OPCML: variants seen among roughly 807,000 people sequenced by gnomAD.
OPCML encodes opioid binding protein/cell adhesion molecule like.
A neutral mutation model predicts 37.8 loss-of-function variants in OPCML; 13 were observed. The observed-to-expected ratio is 0.34, with a 90% CI of 0.22 to 0.55. The LOEUF is 0.55. Among genes scored for constraint, OPCML ranks in the 20% least tolerant of loss-of-function variants. The pLI is 0.91. For missense variants in OPCML, 341 were observed against 435.6 expected (o/e 0.78, Z 1.93); for synonymous variants, 176 against 168.8 (o/e 1.04, Z -0.33).
At chr11:132,552,360 T>G (rs1565658372) in intron 3 of OPCML, among the ~76,000 whole-genome samples, 1 of 152,222 alleles carries the variant, frequency 6.6e-6, no homozygotes, top group East Asian at 1.9e-4. Context: ...CACTGAAAAG[T>G]GAAAATGTTC....
chr11:133,515,634 C>T (rs1033573294), intron 1 of OPCML, among the ~76,000 whole-genome samples: 15 of 151,962 alleles, frequency 9.9e-5, no homozygotes, highest in African/African-American at 3.6e-4. Context: ...CCCCAGATAA[C>T]CAACCAGGAA....
intron 1 of OPCML, among the ~76,000 whole-genome samples, chr11:133,294,042 G>A (rs549493055): frequency 6.6e-6 from 1 of 151,988 alleles, no homozygotes; most frequent in Admixed American, 6.5e-5. Flanking sequence ...AAGAGTTAAG[G>A]GAATCTCAGT....
intron 1 of OPCML, among the ~76,000 whole-genome samples, chr11:133,309,520 C>T (rs1055894351): frequency 6.6e-6 from 1 of 152,124 alleles, no homozygotes; most frequent in African/African-American, 2.4e-5. Context: ...CAACTAAATG[C>T]AATGTGGGAT....
At chr11:132,689,228 T>C (rs1943305086) in intron 2 of OPCML, among the ~76,000 whole-genome samples, 1 of 152,210 alleles carries the variant, frequency 6.6e-6, no homozygotes, top group African/African-American at 2.4e-5. Flanking sequence ...GGCAATTAGA[T>C]TGTTACATTG....
In OPCML at chr11:132,799,745, A is replaced by AAAT. The variant is rs571294043; in HGVS notation, c.147-142427_147-142426insATT. On this transcript the variant is annotated intron_variant, in intron 2 of 7. Coordinates refer to ENST00000524381, the MANE Select transcript of OPCML (RefSeq NM_001012393.5). Reference sequence around the variant, plus strand: ...AGATCTTCTACTTGTAAAAAAAAAAATGTGATATCTGCAAAGCTCAGTAAA... The same window carrying AAAT: ...AGATCTTCTACTTGTAAAAAAAAAAAAATTGTGATATCTGCAAAGCTCAGTAAA... 4.6e-4 allele frequency among the ~76,000 whole-genome samples: 70 copies of AAAT among 152,058 alleles called. 1 individual carries two copies. The highest frequency in any genetic ancestry group is 1.5e-3 in the African/African-American group (64 of 41,516).
chr11:133,095,726 G>A (rs947070967), intron 1 of OPCML, among the ~76,000 whole-genome samples: 2 of 150,322 alleles, frequency 1.3e-5, no homozygotes, highest in Non-Finnish European at 3.0e-5. Flanking sequence ...CAGAGGAAAA[G>A]ACCACCTTAT....
intron 7 of OPCML, among the ~76,000 whole-genome samples, chr11:132,430,426 C>G (rs2095992676): frequency 6.6e-6 from 1 of 152,172 alleles, no homozygotes; most frequent in Non-Finnish European, 1.5e-5. Context: ...AGAAGGAAGT[C>G]CGGCTCAGAG....
At chr11:133,096,592 G>T (rs887852887) in intron 1 of OPCML, among the ~76,000 whole-genome samples, 2 of 151,996 alleles carry the variant, frequency 1.3e-5, no homozygotes, top group African/African-American at 4.8e-5. Context: ...GAGATTTTCA[G>T]AGTGGGTCAA....
chr11:133,254,562 G>C (rs889126124), intron 1 of OPCML, among the ~76,000 whole-genome samples: 1 of 152,116 alleles, frequency 6.6e-6, no homozygotes, highest in Non-Finnish European at 1.5e-5. Flanking sequence ...GATGACTCAG[G>C]CCAAAGAAGA....
intron 3 of OPCML, among the ~76,000 whole-genome samples, chr11:132,619,851 C>CA (rs34927802): frequency 0.7 from 78,477 of 112,702 alleles, 26,232 homozygotes; most frequent in East Asian, 0.79. Flanking sequence ...GACTCCATGT[C>CA]AAAAAAAAAA....
chr11:132,763,333 C>T (rs1367608612), intron 2 of OPCML, among the ~76,000 whole-genome samples: 1 of 152,110 alleles, frequency 6.6e-6, no homozygotes, highest in Non-Finnish European at 1.5e-5. Flanking sequence ...ATACTAATTT[C>T]ATTTTAGTAA....
At chr11:133,378,776 A>G (rs1944869202) in intron 1 of OPCML, among the ~76,000 whole-genome samples, 1 of 149,108 alleles carries the variant, frequency 6.7e-6, no homozygotes, top group Non-Finnish European at 1.5e-5. Context: ...TCTGTCACCT[A>G]GGCTGGACTG....
chr11:132,648,320 C>T (rs551708019), intron 3 of OPCML, among the ~76,000 whole-genome samples: 237 of 152,280 alleles, frequency 1.6e-3, no homozygotes, highest in Non-Finnish European at 1.3e-3. Flanking sequence ...GACCTATTTA[C>T]TGGAGGTATT....
chr11:132,697,976 C>CTATTTATTTATT (rs59713386), intron 2 of OPCML, among the ~76,000 whole-genome samples: 9 of 134,198 alleles, frequency 6.7e-5, no homozygotes, highest in South Asian at 2.5e-4. Flanking sequence ...ATTTTATTTT[C>CTATTTATTTATT]TATTTATTTA....
chr11:133,141,027 C>CGAA lies in OPCML; in HGVS notation c.62-198018_62-198017insTTC, dbSNP rs1196961036. Among the ~76,000 whole-genome samples the CGAA allele has an allele frequency of 4.1e-3, 31 of 7,474 alleles. 7 individuals are homozygous for CGAA. Among genetic ancestry groups the CGAA allele is most frequent in the African/African-American group, 6.6e-3 (24 of 3,636 alleles). The allele number at this position is 7,474 out of a possible 152,430, so 4.9% of individuals were successfully genotyped here. ...ACGACGACGACGACGACGACGACGA[C>CGAA]GACGACGACGACGACGACGACGAAG... On this transcript the variant is annotated intron_variant, in intron 1 of 7. Coordinates refer to ENST00000524381, the MANE Select transcript of OPCML (RefSeq NM_001012393.5).
At chr11:132,872,380 C>T (rs867351590) in intron 2 of OPCML, among the ~76,000 whole-genome samples, 3 of 152,126 alleles carry the variant, frequency 2.0e-5, no homozygotes, top group Non-Finnish European at 4.4e-5. Flanking sequence ...TGCTGCCAAA[C>T]GAATCGCGGA....
chr11:133,451,161 GCA>G (rs1946573792), intron 1 of OPCML, among the ~76,000 whole-genome samples: 1 of 151,592 alleles, frequency 6.6e-6, no homozygotes, highest in Non-Finnish European at 1.5e-5. Context: ...TTCTATTTTG[GCA>G]ATGAAGGAGT....
chr11:132,608,154 T>C (rs1938421565), intron 3 of OPCML, among the ~76,000 whole-genome samples: 1 of 152,132 alleles, frequency 6.6e-6, no homozygotes, highest in Non-Finnish European at 1.5e-5. Context: ...AAAAATAAGA[T>C]AAATTATTGG....
chr11:133,357,300 G>A (rs925512443), intron 1 of OPCML, among the ~76,000 whole-genome samples: 1 of 152,190 alleles, frequency 6.6e-6, no homozygotes, highest in Non-Finnish European at 1.5e-5. Flanking sequence ...GCCCAACTCT[G>A]GGAAAGACAC....
Sources: allele counts gnomAD v4.1 joint callset (sites outside exome capture counted in the v4.1 genomes callset), GRCh38; gene constraint gnomAD v4.1.1; transcripts MANE v1.5; gene names NCBI Gene and HGNC (gene_info 2026-07-23, HGNC 2026-07-21).